SLC1A1: variants seen among roughly 807,000 people sequenced by gnomAD.
The protein encoded by SLC1A1 is excitatory amino acid transporter 3.
SLC1A1 carries 43 observed loss-of-function variants against 53.3 expected under a neutral mutation model. The observed-to-expected ratio is 0.81, with a 90% CI of 0.63 to 1.04. The LOEUF (loss-of-function observed/expected upper bound fraction) is 1.04. Among genes scored for constraint, SLC1A1 ranks in the 50% least tolerant of loss-of-function variants. SLC1A1 has a pLI of 0.00. For missense variants in SLC1A1, 748 were observed against 664.9 expected (o/e 1.12, Z -1.37); for synonymous variants, 307 against 243.2 (o/e 1.26, Z -2.44).
intron 10 of SLC1A1, 64 bp downstream of exon 10, chr9:4,576,827 C>CCCTT: frequency 1.4e-6 from 2 of 1,432,420 alleles, no homozygotes; most frequent in Non-Finnish European, 9.8e-7. Flanking sequence ...TAAAAATTGT[C>CCCTT]CATGAAGGGA....
Position 4,585,855 on chromosome 9 carries a change from G to A in SLC1A1, c.*297G>A. 7.9e-6 allele frequency: 3 copies of A among 381,136 alleles called. No homozygotes were observed. The highest frequency in any genetic ancestry group is 1.5e-5 in the Non-Finnish European group (3 of 205,360). The allele number at this position is 381,136 out of a possible 1,614,324, so 23.6% of individuals were successfully genotyped here. On this transcript the variant is annotated 3_prime_UTR_variant, in exon 12 of 12. Coordinates refer to ENST00000262352, the MANE Select transcript of SLC1A1 (RefSeq NM_004170.6). ...ATAAAGTAATAACTGTTAGAATTAG[G>A]TAATGGATATGAAAGAGAAAATGCT...
chr9:4,492,149 C>CT (rs1003566773), intron 1 of SLC1A1, among the ~76,000 whole-genome samples: 78 of 149,672 alleles, frequency 5.2e-4, no homozygotes, highest in South Asian at 2.1e-3. Context: ...GGTTTTGGAA[C>CT]TTTTTTTTTT....
chr9:4,533,629 C>A (rs2130857853), intron 1 of SLC1A1, among the ~76,000 whole-genome samples: 1 of 152,092 alleles, frequency 6.6e-6, no homozygotes, highest in South Asian at 2.1e-4. Flanking sequence ...ACTTTAACAC[C>A]CCACTGTCAA....
intron 1 of SLC1A1, among the ~76,000 whole-genome samples, chr9:4,512,419 G>A (rs1821028694): frequency 6.6e-6 from 1 of 152,032 alleles, no homozygotes; most frequent in Non-Finnish European, 1.5e-5. Context: ...GAGGTGGGAG[G>A]ATTGCTTGAG....
chr9:4,561,038 C>G (rs1005371071), intron 2 of SLC1A1, among the ~76,000 whole-genome samples: 1 of 152,020 alleles, frequency 6.6e-6, no homozygotes, highest in South Asian at 2.1e-4. Flanking sequence ...CAAACGATCT[C>G]AGTTCTTTGA....
At chr9:4,510,879 C>T (rs1195055166) in intron 1 of SLC1A1, among the ~76,000 whole-genome samples, 2 of 152,158 alleles carry the variant, frequency 1.3e-5, no homozygotes, top group Admixed American at 6.5e-5. Flanking sequence ...TTCTGGACTA[C>T]TTAGGGCTTC....
At chr9:4,580,601 A>ATATG (rs556150232) in intron 10 of SLC1A1, among the ~76,000 whole-genome samples, 3 of 69,700 alleles carry the variant, frequency 4.3e-5, no homozygotes, top group Non-Finnish European at 6.2e-5. Flanking sequence ...AAAAATATAT[A>ATATG]TGTGTGTGTG....
At chr9:4,562,807 A>C (rs532898052) in intron 3 of SLC1A1, among the ~76,000 whole-genome samples, 2 of 152,184 alleles carry the variant, frequency 1.3e-5, no homozygotes, top group East Asian at 3.9e-4. Flanking sequence ...TTCTTAATCC[A>C]GTCTATCATT....
intron 1 of SLC1A1, among the ~76,000 whole-genome samples, chr9:4,520,901 T>C (rs1022650144): frequency 3.9e-5 from 6 of 152,246 alleles, no homozygotes; most frequent in Non-Finnish European, 7.3e-5. Context: ...AAGATTCCAG[T>C]TTCTCCACAT....
chr9:4,530,966 A>G (rs1365739543), intron 1 of SLC1A1, among the ~76,000 whole-genome samples: 1 of 152,208 alleles, frequency 6.6e-6, no homozygotes, highest in Non-Finnish European at 1.5e-5. Context: ...ACATTCAGCA[A>G]AACTGTCAAG....
intron 1 of SLC1A1, among the ~76,000 whole-genome samples, chr9:4,536,745 T>C (rs987683167): frequency 1.1e-4 from 16 of 152,206 alleles, no homozygotes; most frequent in African/African-American, 3.6e-4. Flanking sequence ...CATGCACATG[T>C]ATGTTTATTG....
chr9:4,585,037 A>G (rs998019210), intron 11 of SLC1A1, among the ~76,000 whole-genome samples: 2 of 152,156 alleles, frequency 1.3e-5, no homozygotes, highest in Non-Finnish European at 2.9e-5. Flanking sequence ...CAGTCCCCCA[A>G]AAAATATCTG....
At position 4,518,841 on chromosome 9, in the gene SLC1A1, AT is replaced by A. The variant is rs751865092; in HGVS notation, c.92-25723del. 3.3e-5 allele frequency among the ~76,000 whole-genome samples: 5 copies of A among 152,352 alleles called. No homozygotes were observed. The East Asian group carries it at 9.6e-4, about 29-fold the overall frequency. On this transcript the variant is annotated intron_variant, in intron 1 of 11. Coordinates refer to ENST00000262352, the MANE Select transcript of SLC1A1 (RefSeq NM_004170.6). ...ATTTTCTCACTTTGTGATTTATTGC[AT>A]TTAATTCTCACCCTGAGTCTGAGTT...
intron 1 of SLC1A1, among the ~76,000 whole-genome samples, chr9:4,499,049 TC>T (rs1820546590): frequency 2.3e-5 from 1 of 44,154 alleles, no homozygotes; most frequent in Non-Finnish European, 4.3e-5. Flanking sequence ...TATATATATA[TC>T]TTTTTTTTTT....
At position 4,576,757 on chromosome 9, in the gene SLC1A1, C is replaced by T; in HGVS notation, c.1187C>T (p.Thr396Ile). The T allele has an allele frequency of 6.2e-7, 1 of 1,613,652 alleles. No homozygotes were observed. Among genetic ancestry groups the T allele is most frequent in the South Asian group, 1.1e-5 (1 of 91,058 alleles). The change falls in exon 10 of 12, where the codon ACC becomes ATC. Residue 396 changes from threonine to isoleucine, a missense_variant. Physicochemically the swap from Thr to Ile is moderately conservative, Grantham distance 89 (BLOSUM62 -1). Transcript: ENST00000262352. ...GACTTGGGCATTGGGCAGATCATCACCATCAGGTGGGGCATGGTGTCACAT... is the reference window on the plus strand; with the variant it reads ...GACTTGGGCATTGGGCAGATCATCATCATCAGGTGGGGCATGGTGTCACAT... ...DLDLGIGQII[T>I]ISITATSASI...
At chr9:4,580,119 T>C (rs971090022) in intron 10 of SLC1A1, among the ~76,000 whole-genome samples, 2 of 152,058 alleles carry the variant, frequency 1.3e-5, no homozygotes, top group Non-Finnish European at 2.9e-5. Flanking sequence ...TAGTCCCAGC[T>C]ACTCAGGAGG....
At chr9:4,512,082 C>T (rs72687863) in intron 1 of SLC1A1, among the ~76,000 whole-genome samples, 12,583 of 152,172 alleles carry the variant, frequency 0.083, 518 homozygotes, top group East Asian at 0.11. Flanking sequence ...AATGGAGAGA[C>T]ATAAGTTGTT....
At chr9:4,502,810 A>C (rs938227192) in intron 1 of SLC1A1, among the ~76,000 whole-genome samples, 7 of 151,792 alleles carry the variant, frequency 4.6e-5, no homozygotes, top group Non-Finnish European at 7.3e-5. Context: ...CAAAGTGGCC[A>C]AATAAAGCCT....
At chr9:4,571,914 C>A (rs1820095410) in intron 6 of SLC1A1, among the ~76,000 whole-genome samples, 2 of 151,918 alleles carry the variant, frequency 1.3e-5, no homozygotes, top group Non-Finnish European at 1.5e-5. Context: ...ATCTAAAATT[C>A]ATAATAAAAA....
Sources: allele counts gnomAD v4.1 joint callset (sites outside exome capture counted in the v4.1 genomes callset), GRCh38; gene constraint gnomAD v4.1.1; transcripts MANE v1.5; gene names NCBI Gene and HGNC (gene_info 2026-07-23, HGNC 2026-07-21).